PDX1: variants seen among roughly 807,000 people sequenced by gnomAD.
PDX1 encodes pancreas/duodenum homeobox protein 1.
In PDX1, 7 loss-of-function variants were observed where a neutral mutation model predicts 11.1. The observed-to-expected ratio is 0.63, with a 90% CI of 0.36 to 1.19. The LOEUF is 1.19. Ranked by LOEUF, PDX1 falls within the 50% of genes most tolerant of loss-of-function variation. PDX1 has a pLI of 0.02. For synonymous variants in PDX1, 232 were observed against 196.2 expected, an observed-to-expected ratio of 1.18 and a Z score of -1.53; for missense variants, 449 against 412.1, an observed-to-expected ratio of 1.09 and a Z score of -0.78.
rs1957808858 is a variant in PDX1 at position 27,924,323 on chromosome 13, G to T, written c.474G>T (p.Leu158=). ...RTRTAYTRAQ[L]LELEKEFLFN... ...GCACGGCCTACACGCGCGCACAGCTGCTAGAGCTGGAGAAGGAGTTCCTAT... is the reference window on the plus strand; with the variant it reads ...GCACGGCCTACACGCGCGCACAGCTTCTAGAGCTGGAGAAGGAGTTCCTAT... The change falls in exon 2 of 2, where the codon CTG becomes CTT. Residue 158 remains leucine, a synonymous_variant. Transcript: ENST00000381033. The surrounding 1 kb of genome is among the most constrained non-coding windows in gnomAD (Gnocchi z 4.8). 6.2e-7 allele frequency: 1 copy of T among 1,612,292 alleles called. No homozygotes were observed. Among genetic ancestry groups the T allele is most frequent in the Non-Finnish European group, 8.5e-7 (1 of 1,179,878 alleles).
rs1354706283 is a variant in PDX1 at position 27,920,194 on chromosome 13, C to A, written c.56C>A (p.Ala19Glu). The A allele has an allele frequency of 5.2e-6, 8 of 1,549,902 alleles. No individual in the cohort carries two copies. Among genetic ancestry groups the A allele is most frequent in the Non-Finnish European group, 7.0e-6 (8 of 1,146,692 alleles). ...ACGCAGCTTTACAAGGACCCATGCGCGTTCCAGCGAGGCCCGGCGCCGGAG... is the reference window on the plus strand; with the variant it reads ...ACGCAGCTTTACAAGGACCCATGCGAGTTCCAGCGAGGCCCGGCGCCGGAG... ...AATQLYKDPC[A>E]FQRGPAPEFS... Residue 19 changes from alanine to glutamate, a missense_variant, in exon 1 of 2, where the codon GCG becomes GAG. Ala to Glu is a moderately radical substitution (Grantham distance 107). Coordinates refer to ENST00000381033, the MANE Select transcript of PDX1 (RefSeq NM_000209.4).
intron 1 of PDX1, among the ~76,000 whole-genome samples, chr13:27,921,941 GAGGCGGGAGGACAGTCCCTCGA>G (rs1957790548): frequency 6.6e-6 from 1 of 152,204 alleles, no homozygotes; most frequent in Non-Finnish European, 1.5e-5. Flanking sequence ...GGGTTCTTAG[GAGGCGGGAGGACAGTCCCTCGA>G]ACAAAGGTGG....
chr13:27,920,234 C>G lies in PDX1; in HGVS notation c.96C>G (p.Pro32=), dbSNP rs1266941220. The stretch of plus-strand genomic sequence containing the variant: ...CGGCGCCGGAGTTCAGCGCCAGCCC[C>G]CCTGCGTGCCTGTACATGGGCCGCC... ...RGPAPEFSAS[P]PACLYMGRQP... is the part of the protein sequence containing the mutation. Residue 32 remains proline (P), a synonymous_variant, in exon 1 of 2, where the codon CCC becomes CCG. Coordinates refer to ENST00000381033, the MANE Select transcript of PDX1 (RefSeq NM_000209.4). 2 of 1,548,414 alleles carry G rather than the reference C, an allele frequency of 1.3e-6. No homozygotes were observed.
chr13:27,924,184 A>G lies in PDX1; in HGVS notation c.407-72A>G. On this transcript the variant is annotated intron_variant, in intron 1 of 1. Coordinates refer to ENST00000381033, the MANE Select transcript of PDX1 (RefSeq NM_000209.4). The surrounding 1 kb of genome is among the most constrained non-coding windows in gnomAD (Gnocchi z 4.8). ...GCTAGGGCTCCCTGGCCCCCCTTGA[A>G]GGGGTTGGGCTGCGTGGGTGGGGGC... The G allele has an allele frequency of 7.4e-7, 1 of 1,343,956 alleles. No individual in the cohort carries two copies. The highest frequency in any genetic ancestry group is 1.0e-6 in the Non-Finnish European group (1 of 1,004,646). The allele number at this position is 1,343,956 out of a possible 1,614,324, so 83.3% of individuals were successfully genotyped here.
rs75396213 is a variant in PDX1, at chr13:27,923,780, T to A, written c.407-476T>A. Among the ~76,000 whole-genome samples, 823 of 152,350 alleles carry A rather than the reference T, an allele frequency of 5.4e-3. 4 individuals carry two copies. The highest frequency in any genetic ancestry group is 0.018 in the African/African-American group (754 of 41,584). On this transcript the variant is annotated intron_variant, in intron 1 of 1. Coordinates refer to ENST00000381033, the MANE Select transcript of PDX1 (RefSeq NM_000209.4). ...TTAAGATTTGTCAGTATAACTGACCTGCAGTGTCCGTGTGTGAACTACACA... is the reference window on the plus strand; with the variant it reads ...TTAAGATTTGTCAGTATAACTGACCAGCAGTGTCCGTGTGTGAACTACACA...
In PDX1 at chr13:27,925,356, T is replaced by C. The variant is rs1289449463; in HGVS notation, c.*655T>C. 6.6e-6 allele frequency: 1 copy of C among 151,012 alleles called. No individual in the cohort carries two copies. The highest frequency in any genetic ancestry group is 1.4e-5 in the Non-Finnish European group (1 of 73,366). The allele number at this position is 151,012 out of a possible 1,614,324, so 9.4% of individuals were successfully genotyped here. On this transcript the variant is annotated 3_prime_UTR_variant, in exon 2 of 2. Coordinates refer to ENST00000381033, the MANE Select transcript of PDX1 (RefSeq NM_000209.4). ...TTCCTCCCCCTCCTCTTTTCCCTCC[T>C]CTTCCTCTTCCTCCTGCTCTCCTTT...
rs1396183184 is a variant in PDX1, at chr13:27,924,735, A to G, written c.*34A>G. 23 of 1,421,898 alleles carry G rather than the reference A, an allele frequency of 1.6e-5. No homozygotes were observed. The highest frequency in any genetic ancestry group is 2.7e-5 in the Admixed American group (1 of 36,980). The allele number at this position is 1,421,898 out of a possible 1,614,324, so 88.1% of individuals were successfully genotyped here. ...AGCTGCTCCTGGCTGAGGGGCTTCA[A>G]CCACTCGCCGAGGAGGAGCAGAGGG... is the stretch of plus-strand genomic sequence containing the variant. On this transcript the variant is annotated 3_prime_UTR_variant, in exon 2 of 2. Transcript: ENST00000381033. The surrounding 1 kb of genome is among the most constrained non-coding windows in gnomAD (Gnocchi z 4.8).
In PDX1 at chr13:27,925,340, CTCCTCTTTTCCCTCCTCT is replaced by C. The variant is rs1957817141; in HGVS notation, c.*647_*664del. 1 of 153,206 alleles carries C rather than the reference CTCCTCTTTTCCCTCCTCT, an allele frequency of 6.5e-6. No homozygotes were observed. Among genetic ancestry groups the C allele is most frequent in the Admixed American group, 6.9e-5 (1 of 14,446 alleles). 9.5% of individuals were successfully genotyped at this position (153,206 alleles called of 1,614,324 possible). A position where few individuals can be genotyped will look rare whatever the true frequency, so the allele number is the denominator to read the frequency against. On this transcript the variant is annotated 3_prime_UTR_variant, in exon 2 of 2. Coordinates refer to ENST00000381033, the MANE Select transcript of PDX1 (RefSeq NM_000209.4). ...TTCCTCCTGCTCTCCTTTCCTCCCC[CTCCTCTTTTCCCTCCTCT>C]TCCTCTTCCTCCTGCTCTCCTTTCC...
At chr13:27,923,092 T>C (rs1206848225) in intron 1 of PDX1, among the ~76,000 whole-genome samples, 4 of 152,180 alleles carry the variant, frequency 2.6e-5, no homozygotes, top group Non-Finnish European at 5.9e-5. Flanking sequence ...AGGAGAAATG[T>C]CCCCTGCCTT....
chr13:27,926,131 C>T lies in PDX1; in HGVS notation c.*1430C>T, dbSNP rs764829593. On this transcript the variant is annotated 3_prime_UTR_variant, in exon 2 of 2. Transcript: ENST00000381033. ...GTTATTTACAAACAGGTCTGTGCAT[C>T]CCAGGTCTGTCTTCTTTTCAAGGTC... is the stretch of plus-strand genomic sequence containing the variant. The T allele has an allele frequency of 1.3e-5, 2 of 152,190 alleles. No individual in the cohort carries two copies. Among genetic ancestry groups the T allele is most frequent in the Non-Finnish European group, 2.9e-5 (2 of 68,040 alleles). The allele number at this position is 152,190 out of a possible 1,614,324, so 9.4% of individuals were successfully genotyped here.
chr13:27,922,616 G>A (rs1593169612), intron 1 of PDX1, among the ~76,000 whole-genome samples: 1 of 152,268 alleles, frequency 6.6e-6, no homozygotes, highest in East Asian at 1.9e-4. Flanking sequence ...TTGGGGAAGG[G>A]CCCAGGCTTG....
intron 1 of PDX1, among the ~76,000 whole-genome samples, chr13:27,923,320 T>G (rs1461448158): frequency 6.6e-6 from 1 of 152,154 alleles, no homozygotes; most frequent in Non-Finnish European, 1.5e-5. Flanking sequence ...TACCACCTCC[T>G]CCGTAGGGCT....
At chr13:27,923,808 G>T (rs973746677) in intron 1 of PDX1, among the ~76,000 whole-genome samples, 6 of 152,174 alleles carry the variant, frequency 3.9e-5, no homozygotes, top group Non-Finnish European at 7.4e-5. Flanking sequence ...ACTACACAAC[G>T]ATCCGAAATG....
chr13:27,921,462 G>A (rs1371826091), intron 1 of PDX1, among the ~76,000 whole-genome samples: 1 of 152,240 alleles, frequency 6.6e-6, no homozygotes, highest in African/African-American at 2.4e-5. Context: ...AAGTTCCGGC[G>A]CGGCCTGTGT....
At position 27,920,220 on chromosome 13, in the gene PDX1, T is replaced by G. The variant is rs1457762802; in HGVS notation, c.82T>G (p.Phe28Val). 5.8e-6 allele frequency: 9 copies of G among 1,548,344 alleles called. No individual in the cohort carries two copies. The highest frequency in any genetic ancestry group is 3.5e-6 in the Non-Finnish European group (4 of 1,146,172). Reference protein sequence around the residue: ...CAFQRGPAPEFSASPPACLYM... With the variant: ...CAFQRGPAPEVSASPPACLYM... Reference sequence around the variant, plus strand: ...GTTCCAGCGAGGCCCGGCGCCGGAGTTCAGCGCCAGCCCCCCTGCGTGCCT... The same window carrying G: ...GTTCCAGCGAGGCCCGGCGCCGGAGGTCAGCGCCAGCCCCCCTGCGTGCCT... Residue 28 changes from phenylalanine (F) to valine (V), a missense_variant, in exon 1 of 2, where the codon TTC (phenylalanine) becomes GTC (valine). Around this residue, in one of 3 missense-constraint regions of PDX1, gnomAD observed 263 missense variants for 212.5 expected, o/e 1.24. Coordinates refer to ENST00000381033, the MANE Select transcript of PDX1 (RefSeq NM_000209.4).
chr13:27,923,786 G>A (rs1226133643), intron 1 of PDX1, among the ~76,000 whole-genome samples: 1 of 152,210 alleles, frequency 6.6e-6, no homozygotes, highest in Non-Finnish European at 1.5e-5. Flanking sequence ...GACCTGCAGT[G>A]TCCGTGTGTG....
rs1423992623 is a variant in PDX1 at position 27,920,250 on chromosome 13, A to T, written c.112A>T (p.Met38Leu). The T allele has an allele frequency of 1.7e-5, 26 of 1,543,928 alleles. No individual in the cohort carries two copies. Among genetic ancestry groups the T allele is most frequent in the Non-Finnish European group, 2.2e-5 (25 of 1,144,206 alleles). The change falls in exon 1 of 2, where the codon ATG becomes TTG. Residue 38 changes from methionine to leucine, a missense_variant. By Grantham distance (15) the Met-to-Leu change is conservative. Around this residue, in one of 3 missense-constraint regions of PDX1, gnomAD observed 263 missense variants for 212.5 expected, o/e 1.24. Coordinates refer to ENST00000381033, the MANE Select transcript of PDX1 (RefSeq NM_000209.4). ...CGCCAGCCCCCCTGCGTGCCTGTAC[A>T]TGGGCCGCCAGCCCCCGCCGCCGCC... The part of the protein sequence containing the change: ...FSASPPACLY[M>L]GRQPPPPPPH...
At chr13:27,923,316 C>G (rs1303826543) in intron 1 of PDX1, among the ~76,000 whole-genome samples, 1 of 152,214 alleles carries the variant, frequency 6.6e-6, no homozygotes, top group African/African-American at 2.4e-5. Context: ...CCACTACCAC[C>G]TCCTCCGTAG....
Position 27,920,355 on chromosome 13 carries a change from C to G in PDX1, c.217C>G (p.Leu73Val), listed in dbSNP as rs1440389073. ...CATCTCCCCGTACGAGGTGCCCCCC[C>G]TCGCCGACGACCCCGCGGTGGCGCA... ...PDISPYEVPP[L>V]ADDPAVAHLH... The change falls in exon 1 of 2, where the codon CTC (leucine) becomes GTC (valine). Residue 73 changes from leucine to valine, a missense_variant. Physicochemically the swap from Leu to Val is conservative, Grantham distance 32. Coordinates refer to ENST00000381033, the MANE Select transcript of PDX1 (RefSeq NM_000209.4). The G allele has an allele frequency of 3.2e-6, 5 of 1,543,638 alleles. No individual in the cohort carries two copies. The highest frequency in any genetic ancestry group is 2.0e-5 in the Admixed American group (1 of 50,864).
Sources: allele counts gnomAD v4.1 joint callset (sites outside exome capture counted in the v4.1 genomes callset), GRCh38; gene constraint gnomAD v4.1.1; regional missense constraint gnomAD v4.1.1; non-coding constraint Gnocchi (gnomAD v3.1); transcripts MANE v1.5; gene names NCBI Gene and HGNC (gene_info 2026-07-23, HGNC 2026-07-21).